The following EGLN3 variants were observed in gnomAD, a reference collection of about 807,000 sequenced individuals.
EGLN3 encodes prolyl hydroxylase EGLN3.
EGLN3 carries 15 observed loss-of-function variants against 26.0 expected under a neutral mutation model. That is an observed-to-expected ratio of 0.58 (90% CI 0.39 to 0.89). EGLN3 has a LOEUF of 0.89. EGLN3 is among the 40% of genes least tolerant of loss of function. The probability of loss-of-function intolerance (pLI) is 0.00; values close to 1 mark genes in which losing one functional copy is unlikely to be tolerated. For missense variants in EGLN3, 238 were observed against 311.6 expected (o/e 0.76, Z 1.78); for synonymous variants, 147 against 127.2 (o/e 1.16, Z -1.05).
At chr14:33,937,725 G>A (rs1445804745) in intron 1 of EGLN3, among the ~76,000 whole-genome samples, 4 of 152,020 alleles carry the variant, frequency 2.6e-5, no homozygotes, top group East Asian at 1.9e-4. Context: ...AATTCCTCTC[G>A]CAGAACCTAC....
At chr14:33,930,534 G>T (rs2064395014) in intron 2 of EGLN3, among the ~76,000 whole-genome samples, 1 of 152,166 alleles carries the variant, frequency 6.6e-6, no homozygotes, top group African/African-American at 2.4e-5. Context: ...CATGGAACCA[G>T]GCTTCATATC....
intron 2 of EGLN3, among the ~76,000 whole-genome samples, chr14:33,930,823 A>G (rs905579846): frequency 2.6e-5 from 4 of 152,126 alleles, no homozygotes; most frequent in African/African-American, 9.7e-5. Context: ...CTTAATCCTA[A>G]TATCAAATTA....
chr14:33,941,895 T>C (rs1409919355), intron 1 of EGLN3, among the ~76,000 whole-genome samples: 1 of 152,178 alleles, frequency 6.6e-6, no homozygotes, highest in Non-Finnish European at 1.5e-5. Context: ...TCATTATGCC[T>C]GGCAAATTAG....
intron 1 of EGLN3, among the ~76,000 whole-genome samples, chr14:33,940,956 G>A (rs1185624679): frequency 3.9e-5 from 6 of 152,132 alleles, no homozygotes; most frequent in Admixed American, 6.5e-5. Context: ...ATGTCGGTGC[G>A]AGTCTGCTCT....
rs562578943 is a variant in EGLN3 at position 33,925,150 on chromosome 14, A to G, written c.*741T>C. On this transcript the variant is annotated 3_prime_UTR_variant, in exon 5 of 5. Transcript: ENST00000250457. ...TCCAACAAAGCAACCAAAACAACTAATGTCTAGTTTTTTAGCTTCTGGGGA... is the reference window on the plus strand; with the variant it reads ...TCCAACAAAGCAACCAAAACAACTAGTGTCTAGTTTTTTAGCTTCTGGGGA... The G allele has an allele frequency of 6.6e-6, 1 of 152,160 alleles. No individual in the cohort carries two copies. Among genetic ancestry groups the G allele is most frequent in the Non-Finnish European group, 1.5e-5 (1 of 68,006 alleles). 9.4% of individuals were successfully genotyped at this position (152,160 alleles called of 1,614,324 possible). A position where few individuals can be genotyped will look rare whatever the true frequency, so the allele number is the denominator to read the frequency against.
chr14:33,950,814 C>A lies in EGLN3; in HGVS notation c.-62G>T. On this transcript the variant is annotated 5_prime_UTR_variant, in exon 1 of 5. Coordinates refer to ENST00000250457, the MANE Select transcript of EGLN3 (RefSeq NM_022073.4). ...GCAACCAGAGAGGGAACGATCTACA[C>A]GAGCGCGAAGCCGAGGCGCGGGGAG... 1.4e-6 allele frequency: 2 copies of A among 1,456,982 alleles called. No homozygotes were observed. The highest frequency in any genetic ancestry group is 9.4e-7 in the Non-Finnish European group (1 of 1,069,352). The allele number at this position is 1,456,982 out of a possible 1,614,324, so 90.3% of individuals were successfully genotyped here.
chr14:33,927,312 G>A (rs1158998172), intron 3 of EGLN3, among the ~76,000 whole-genome samples: 2 of 151,862 alleles, frequency 1.3e-5, no homozygotes, highest in Non-Finnish European at 2.9e-5. Flanking sequence ...GGGACTACAG[G>A]TGCACGCTAC....
intron 1 of EGLN3, among the ~76,000 whole-genome samples, chr14:33,938,837 C>CT (rs1165755496): frequency 6.6e-6 from 1 of 152,212 alleles, no homozygotes; most frequent in African/African-American, 2.4e-5. Flanking sequence ...CTGAGTCACA[C>CT]CGCTCCAAGT....
chr14:33,934,982 C>T (rs1594378536), intron 1 of EGLN3, among the ~76,000 whole-genome samples: 4 of 152,234 alleles, frequency 2.6e-5, no homozygotes, highest in East Asian at 1.9e-4. Flanking sequence ...TCTGATCTAC[C>T]GACAAATGCT....
intron 1 of EGLN3, among the ~76,000 whole-genome samples, chr14:33,945,243 C>G (rs938197720): frequency 6.6e-6 from 1 of 152,166 alleles, no homozygotes; most frequent in African/African-American, 2.4e-5. Flanking sequence ...AGCACTCCTC[C>G]CCAAAATACC....
At chr14:33,933,431 C>T (rs991075088) in intron 1 of EGLN3, among the ~76,000 whole-genome samples, 1 of 151,934 alleles carries the variant, frequency 6.6e-6, no homozygotes, top group South Asian at 2.1e-4. Context: ...AGGACAAAAC[C>T]CCTACATGTC....
In EGLN3 at chr14:33,946,107, G is replaced by A. The variant is rs556755064; in HGVS notation, c.357+4289C>T. On this transcript the variant is annotated intron_variant, in intron 1 of 4. Coordinates refer to ENST00000250457, the MANE Select transcript of EGLN3 (RefSeq NM_022073.4). ...ATAACAGTAGAAGCCGGGCGCGGTG[G>A]CTCACACCTGTAATCCCAGCACTTT... Among the ~76,000 whole-genome samples the A allele has an allele frequency of 9.6e-4, 146 of 152,266 alleles. 1 individual carries two copies. Among genetic ancestry groups the A allele is most frequent in the African/African-American group, 3.3e-3 (138 of 41,544 alleles).
intron 4 of EGLN3, among the ~76,000 whole-genome samples, chr14:33,926,311 C>G (rs1354529784): frequency 6.6e-6 from 1 of 152,152 alleles, no homozygotes; most frequent in African/African-American, 2.4e-5. Flanking sequence ...GGGTTATGGG[C>G]TAGGCAATAT....
At chr14:33,930,753 T>C (rs769131612) in intron 2 of EGLN3, among the ~76,000 whole-genome samples, 2 of 152,150 alleles carry the variant, frequency 1.3e-5, no homozygotes, top group African/African-American at 2.4e-5. Flanking sequence ...GAGGGAAAAG[T>C]GTATATCCTA....
intron 1 of EGLN3, among the ~76,000 whole-genome samples, chr14:33,935,673 G>A (rs915241327): frequency 6.6e-5 from 10 of 151,972 alleles, no homozygotes; most frequent in African/African-American, 2.2e-4. Flanking sequence ...ATCACTGTGT[G>A]AGGACTTCCA....
intron 2 of EGLN3, among the ~76,000 whole-genome samples, chr14:33,930,659 A>G (rs2064396172): frequency 6.6e-6 from 1 of 152,162 alleles, no homozygotes; most frequent in Non-Finnish European, 1.5e-5. Context: ...CCCGAGGGAG[A>G]GGACTGTGTG....
intron 1 of EGLN3, among the ~76,000 whole-genome samples, chr14:33,939,679 C>T (rs1334535281): frequency 1.3e-5 from 2 of 152,156 alleles, no homozygotes; most frequent in Non-Finnish European, 2.9e-5. Flanking sequence ...TTACTATGTG[C>T]CCAACACTGT....
chr14:33,929,067 G>A lies in EGLN3; in HGVS notation c.614+9C>T, dbSNP rs533008615. On this transcript the variant is annotated intron_variant, in intron 3 of 4. Transcript: ENST00000250457. Reference sequence around the variant, plus strand: ...GCTCCGGAAGAGGAATCATGGCTCCGGCTATTACCTGGTTGCGTAAGAGGG... The same window carrying A: ...GCTCCGGAAGAGGAATCATGGCTCCAGCTATTACCTGGTTGCGTAAGAGGG... 27 of 1,612,908 alleles carry A rather than the reference G, an allele frequency of 1.7e-5. No individual in the cohort carries two copies. The highest frequency in any genetic ancestry group is 1.0e-4 in the Admixed American group (6 of 59,908).
chr14:33,929,797 A>G (rs2064389215), intron 2 of EGLN3, among the ~76,000 whole-genome samples: 1 of 152,206 alleles, frequency 6.6e-6, no homozygotes, highest in Non-Finnish European at 1.5e-5. Context: ...CGATTTGCCA[A>G]TATTTGAGTG....
Sources: allele counts gnomAD v4.1 joint callset (sites outside exome capture counted in the v4.1 genomes callset), GRCh38; gene constraint gnomAD v4.1.1; transcripts MANE v1.5; gene names NCBI Gene and HGNC (gene_info 2026-07-23, HGNC 2026-07-21).